TSGA10: variants seen among roughly 807,000 people sequenced by gnomAD.
TSGA10 encodes testis-specific gene 10 protein.
TSGA10 carries 43 observed loss-of-function variants against 96.6 expected under a neutral mutation model. That is an observed-to-expected ratio of 0.44 (90% confidence interval 0.35 to 0.57). The LOEUF is 0.57. TSGA10 is among the 20% of genes least tolerant of loss of function. The pLI, the probability that TSGA10 is intolerant of heterozygous loss-of-function variation, is 0.01. For missense variants in TSGA10, 703 were observed against 834.4 expected (o/e 0.84, Z 1.94); for synonymous variants, 229 against 269.9 (o/e 0.85, Z 1.48).
chr2:99,071,615 G>A (rs932045151), intron 14 of TSGA10, 91 bp downstream of exon 14: 4 of 1,259,090 alleles, frequency 3.2e-6, no homozygotes, highest in Non-Finnish European at 2.2e-6. Flanking sequence ...TCCAGTGTCT[G>A]AGCTCTTCTA....
At chr2:99,132,854 G>A (rs138165235) in intron 1 of TSGA10, among the ~76,000 whole-genome samples, 1,625 of 152,166 alleles carry the variant, frequency 0.011, 9 homozygotes, top group Middle Eastern at 0.027. Flanking sequence ...CCTTAATTTC[G>A]TTATGTACCC....
chr2:99,141,135 CTCATCCCCGCG>C (rs2093530563), intron 1 of TSGA10: 1 of 1,276,758 alleles, frequency 7.8e-7, no homozygotes, highest in African/African-American at 1.6e-5. Context: ...CTGCCCAGAG[CTCATCCCCGCG>C]ACTGTCAGCT....
intron 1 of TSGA10, chr2:99,150,846 CG>C (rs1559158987): frequency 6.5e-7 from 1 of 1,543,686 alleles, no homozygotes. Flanking sequence ...GCAATTTGTA[CG>C]TATTACCAAA....
At position 99,018,644 on chromosome 2, in the gene TSGA10, T is replaced by A; in HGVS notation, c.1818-4A>T. The A allele has an allele frequency of 5.0e-6, 8 of 1,607,090 alleles. No homozygotes were observed. The highest frequency in any genetic ancestry group is 6.8e-6 in the Non-Finnish European group (8 of 1,177,748). ...CACATCTCTACTCTGGATGGCCCTG[T>A]TTAAAAGAAGATAAGAGTTATAGTT... On this transcript the variant is annotated splice_region_variant and splice_polypyrimidine_tract_variant and intron_variant, in intron 18 of 20. Transcript: ENST00000393483.
chr2:99,140,966 A>T, intron 1 of TSGA10: 1 of 698,266 alleles, frequency 1.4e-6, no homozygotes, highest in Non-Finnish European at 1.9e-6. Context: ...CTAGCGCCCA[A>T]CTCCGCCCGC....
intron 1 of TSGA10, chr2:99,142,104 A>T (rs949742208): frequency 2.0e-5 from 3 of 152,214 alleles, no homozygotes; most frequent in Non-Finnish European, 4.4e-5. Flanking sequence ...CCTCACCTTA[A>T]AGTGACAAAT....
rs561748460 is a variant in TSGA10 at position 99,104,196 on chromosome 2, G to A, written c.460-78C>T. ...TCTTCCTGAAGGGCATACTCCCTCT[G>A]TACAAACTGGTTTATGGCAAGACTG... is the stretch of plus-strand genomic sequence containing the variant. On this transcript the variant is annotated intron_variant, in intron 9 of 20. Coordinates refer to ENST00000393483, the MANE Select transcript of TSGA10 (RefSeq NM_025244.4). 4.0e-6 allele frequency: 6 copies of A among 1,505,942 alleles called. No homozygotes were observed. The South Asian group carries it at 7.3e-5, about 18-fold the overall frequency. The allele number at this position is 1,505,942 out of a possible 1,614,324, so 93.3% of individuals were successfully genotyped here. A position where few individuals can be genotyped will look rare whatever the true frequency, so the allele number is the denominator to read the frequency against.
intron 10 of TSGA10, among the ~76,000 whole-genome samples, chr2:99,082,961 C>A (rs2087709739): frequency 6.6e-6 from 1 of 151,570 alleles, no homozygotes; most frequent in South Asian, 2.1e-4. Flanking sequence ...GTTAAAAATA[C>A]AGAATAGACA....
chr2:99,067,017 T>G (rs1008605855), intron 15 of TSGA10, among the ~76,000 whole-genome samples: 10 of 152,206 alleles, frequency 6.6e-5, no homozygotes, highest in Non-Finnish European at 8.8e-5. Context: ...CTTAAATAAC[T>G]TATATGTTTT....
chr2:99,006,046 G>T (rs1228930899), intron 20 of TSGA10, among the ~76,000 whole-genome samples: 1 of 152,140 alleles, frequency 6.6e-6, no homozygotes, highest in Non-Finnish European at 1.5e-5. Context: ...ATGGGGAAAG[G>T]ATTCCCTATT....
intron 1 of TSGA10, chr2:99,148,288 T>C (rs1005525704): frequency 3.9e-5 from 6 of 152,226 alleles, no homozygotes; most frequent in Non-Finnish European, 8.8e-5. Context: ...TTTTATTCAT[T>C]TGAAGGCAGT....
intron 4 of TSGA10, among the ~76,000 whole-genome samples, chr2:99,114,345 T>C (rs1474007391): frequency 1.3e-5 from 2 of 152,170 alleles, no homozygotes; most frequent in East Asian, 1.9e-4. Context: ...ATCCCCAGTG[T>C]TGGTTTTGCA....
At chr2:99,008,353 T>A (rs1254899214) in intron 20 of TSGA10, among the ~76,000 whole-genome samples, 5 of 152,148 alleles carry the variant, frequency 3.3e-5, no homozygotes, top group Non-Finnish European at 7.4e-5. Context: ...CAAAAAGATC[T>A]AAAGTCCATT....
At chr2:99,078,949 AT>A (rs1183288717) in intron 11 of TSGA10, 136 bp from the exon 12 acceptor site, 1 of 742,160 alleles carries the variant, frequency 1.3e-6, no homozygotes, top group Admixed American at 3.7e-5. Context: ...TGAGTACTAT[AT>A]CCCAAATTAA....
intron 10 of TSGA10, among the ~76,000 whole-genome samples, chr2:99,087,272 C>T (rs2088631977): frequency 6.6e-6 from 1 of 151,764 alleles, no homozygotes; most frequent in African/African-American, 2.4e-5. Context: ...TTTGGGAGGT[C>T]GAGGCAGGCA....
At chr2:99,100,039 A>G (rs186663432) in intron 10 of TSGA10, among the ~76,000 whole-genome samples, 1 of 152,358 alleles carries the variant, frequency 6.6e-6, no homozygotes, top group East Asian at 1.9e-4. Flanking sequence ...TGAAAAATAT[A>G]GAGAGATATA....
At chr2:99,131,141 A>G (rs1301054247) in intron 1 of TSGA10, among the ~76,000 whole-genome samples, 3 of 152,072 alleles carry the variant, frequency 2.0e-5, no homozygotes, top group African/African-American at 7.2e-5. Flanking sequence ...TCCATGTGAA[A>G]TTTAAGGAAG....
chr2:99,113,621 C>T (rs1008300246), intron 4 of TSGA10, among the ~76,000 whole-genome samples: 5 of 152,210 alleles, frequency 3.3e-5, no homozygotes, highest in Non-Finnish European at 4.4e-5. Flanking sequence ...TCTCGGCTCA[C>T]TGCAACCTCT....
In TSGA10 at chr2:99,154,801, G is replaced by A; in HGVS notation, c.-729C>T. The A allele has an allele frequency of 3.0e-6, 1 of 328,336 alleles. No individual in the cohort carries two copies. The highest frequency in any genetic ancestry group is 6.0e-6 in the Non-Finnish European group (1 of 166,146). The allele number at this position is 328,336 out of a possible 1,614,324, so 20.3% of individuals were successfully genotyped here. A position where few individuals can be genotyped will look rare whatever the true frequency, so the allele number is the denominator to read the frequency against. On this transcript the variant is annotated 5_prime_UTR_variant, in exon 1 of 21. Coordinates refer to ENST00000393483, the MANE Select transcript of TSGA10 (RefSeq NM_025244.4). ...TTATTCGAACGTAGCCTGCGTCCCT[G>A]CCTGGAACCTGGTTCCCGCCCTGAA...
Sources: gnomAD v4.1 joint callset for allele counts (sites outside exome capture counted in the v4.1 genomes callset) on GRCh38, gnomAD v4.1.1 for gene constraint, MANE v1.5 for transcripts, NCBI Gene and HGNC (gene_info 2026-07-23, HGNC 2026-07-21) for gene names.